Variants in CRB1 observed in about 807,000 individuals in gnomAD.
CRB1 encodes the protein crumbs cell polarity complex component 1.
A neutral mutation model predicts 120.0 loss-of-function variants in CRB1; 83 were observed. That is an observed-to-expected ratio of 0.69 (90% CI 0.58 to 0.83). The LOEUF is 0.83. Among genes scored for constraint, CRB1 ranks in the 40% least tolerant of loss-of-function variants. CRB1 has a pLI of 0.00. For missense variants in CRB1, 1,699 were observed against 1,687.6 expected, an observed-to-expected ratio of 1.01 and a Z score of -0.12; for synonymous variants, 625 against 612.5, an observed-to-expected ratio of 1.02 and a Z score of -0.30.
chr1:197,235,804 G>C, the CRB1 span, among the ~76,000 whole-genome samples: 4 of 152,180 alleles, frequency 2.6e-5, no homozygotes, highest in Non-Finnish European at 4.4e-5. Flanking sequence ...CCAGAATACT[G>C]TGGCTTTTTT....
the CRB1 span, among the ~76,000 whole-genome samples, chr1:197,209,282 T>C: frequency 6.6e-6 from 1 of 152,196 alleles, no homozygotes; most frequent in South Asian, 2.1e-4. Flanking sequence ...TCAATCAAAA[T>C]TGTTCAGCTG....
intron 6 of CRB1, among the ~76,000 whole-genome samples, chr1:197,423,972 C>T (rs553793657): frequency 2.1e-4 from 32 of 152,270 alleles, no homozygotes; most frequent in African/African-American, 7.5e-4. Context: ...TAAGAACATG[C>T]AGCATTCAAG....
the CRB1 span, among the ~76,000 whole-genome samples, chr1:197,246,425 G>A: frequency 1.4e-4 from 22 of 151,922 alleles, no homozygotes; most frequent in Non-Finnish European, 1.6e-4. Flanking sequence ...TCAGCTCCAA[G>A]TCTGAGATAT....
At chr1:197,337,943 A>G (rs1258693188) in intron 2 of CRB1, among the ~76,000 whole-genome samples, 1 of 152,050 alleles carries the variant, frequency 6.6e-6, no homozygotes, top group East Asian at 1.9e-4. Flanking sequence ...AATGAAGAGA[A>G]ACATAAGAAA....
chr1:197,461,522 T>C (rs1666529312), intron 11 of CRB1, among the ~76,000 whole-genome samples: 1 of 152,178 alleles, frequency 6.6e-6, no homozygotes, highest in Admixed American at 6.6e-5. Flanking sequence ...TTAAATATTC[T>C]GTGACAGAAG....
At chr1:197,420,030 T>C (rs1326848130) in intron 5 of CRB1, among the ~76,000 whole-genome samples, 1 of 149,808 alleles carries the variant, frequency 6.7e-6, no homozygotes, top group Non-Finnish European at 1.5e-5. Context: ...ATGTAGGGTC[T>C]GATGTTAGAA....
At chr1:197,438,804 CA>C in intron 10 of CRB1, 129 bp downstream of exon 10, 1 of 1,193,622 alleles carries the variant, frequency 8.4e-7, no homozygotes, top group Admixed American at 2.1e-5. Flanking sequence ...AATAGAGGTT[CA>C]GACAGAATGA....
intron 11 of CRB1, among the ~76,000 whole-genome samples, chr1:197,466,821 G>A (rs989863543): frequency 6.6e-6 from 1 of 152,188 alleles, no homozygotes; most frequent in African/African-American, 2.4e-5. Flanking sequence ...AAAGAAGAAA[G>A]AAATCTGAAT....
intron 4 of CRB1, among the ~76,000 whole-genome samples, chr1:197,351,187 CAAAAAAAAAAAA>C (rs780090689): frequency 1.2e-5 from 1 of 85,390 alleles, no homozygotes; most frequent in African/African-American, 4.7e-5. Flanking sequence ...ACTAAAAATA[CAAAAAAAAAAAA>C]AAAAAAAAAA....
At chr1:197,280,739 A>G (rs1365848467) in intron 1 of CRB1, among the ~76,000 whole-genome samples, 1 of 151,902 alleles carries the variant, frequency 6.6e-6, no homozygotes, top group Non-Finnish European at 1.5e-5. Context: ...TAAAAGAAGG[A>G]TAGTTTTTAT....
At chr1:197,404,428 C>A (rs1663229565) in intron 5 of CRB1, among the ~76,000 whole-genome samples, 1 of 112,858 alleles carries the variant, frequency 8.9e-6, no homozygotes, top group Non-Finnish European at 1.6e-5. Flanking sequence ...GGCGACAGAG[C>A]GAGACTCCGT....
the CRB1 span, among the ~76,000 whole-genome samples, chr1:197,215,551 C>A: frequency 3.9e-5 from 6 of 152,166 alleles, no homozygotes; most frequent in Non-Finnish European, 8.8e-5. Context: ...GCTGGGATTA[C>A]AGGCATGTGC....
intron 11 of CRB1, among the ~76,000 whole-genome samples, chr1:197,447,754 C>T (rs1665769030): frequency 6.6e-6 from 1 of 151,208 alleles, no homozygotes; most frequent in African/African-American, 2.4e-5. Context: ...GAGGCTGAGG[C>T]TAGGTGGGAA....
the CRB1 span, among the ~76,000 whole-genome samples, chr1:197,228,007 C>T: frequency 1.3e-5 from 2 of 152,120 alleles, no homozygotes; most frequent in South Asian, 4.1e-4. Flanking sequence ...CCCCTTTTAG[C>T]AATGGCTGGG....
the CRB1 span, among the ~76,000 whole-genome samples, chr1:197,224,770 C>A: frequency 6.6e-6 from 1 of 151,928 alleles, no homozygotes. Flanking sequence ...CTTTAGCAGT[C>A]TATGCATTTA....
chr1:197,436,486 A>G (rs949916451), intron 9 of CRB1, among the ~76,000 whole-genome samples: 1 of 152,126 alleles, frequency 6.6e-6, no homozygotes, highest in Non-Finnish European at 1.5e-5. Flanking sequence ...AAAACAGTGG[A>G]ATTATAATTC....
chr1:197,223,169 A>G, the CRB1 span: 1 of 1,062,244 alleles, frequency 9.4e-7, no homozygotes, highest in Admixed American at 1.7e-5. Flanking sequence ...GGCTGTGATT[A>G]TCACTTCTTA....
chr1:197,258,104 G>C, the CRB1 span, among the ~76,000 whole-genome samples: 58 of 152,038 alleles, frequency 3.8e-4, no homozygotes, highest in African/African-American at 1.3e-3. Flanking sequence ...ACTAGTATTT[G>C]ATAACACAAT....
the CRB1 span, among the ~76,000 whole-genome samples, chr1:197,252,365 A>T: frequency 1.3e-5 from 2 of 150,506 alleles, no homozygotes; most frequent in Non-Finnish European, 3.0e-5. Flanking sequence ...TGCAAACCAC[A>T]GTGCATTCTC....
Sources: gnomAD v4.1 joint callset for allele counts (sites outside exome capture counted in the v4.1 genomes callset) on GRCh38, gnomAD v4.1.1 for gene constraint, MANE v1.5 for transcripts, NCBI Gene and HGNC (gene_info 2026-07-23, HGNC 2026-07-21) for gene names.